Variants in MEGF6 observed in about 807,000 individuals in gnomAD.
MEGF6 encodes the protein multiple epidermal growth factor-like domains protein 6.
In MEGF6, 184 loss-of-function variants were observed where a neutral mutation model predicts 207.1. The observed-to-expected ratio is 0.89, with a 90% CI of 0.79 to 1.00. The LOEUF is 1.00. Ranked by LOEUF, MEGF6 falls within the 50% of genes least tolerant of loss-of-function variation. The pLI is 0.00. For synonymous variants in MEGF6, 1,038 were observed against 910.0 expected (o/e 1.14, Z -2.53); for missense variants, 2,282 against 2,202.9 (o/e 1.04, Z -0.72).
intron 4 of MEGF6, among the ~76,000 whole-genome samples, chr1:3,546,340 T>C (rs10797401): frequency 0.31 from 46,677 of 152,202 alleles, 12,040 homozygotes; most frequent in African/African-American, 0.71. Context: ...TAGCCCCAGG[T>C]CTTGCCTGAG....
intron 19 of MEGF6, 40 bp from the exon 20 acceptor site, chr1:3,501,134 C>T (rs772610880): frequency 1.2e-6 from 2 of 1,612,612 alleles, no homozygotes; most frequent in Non-Finnish European, 1.7e-6. Context: ...GCCTGGCCAC[C>T]TACCCCAGGT....
chr1:3,494,311 G>A (rs1214333448), intron 32 of MEGF6, 60 bp downstream of exon 32: 11 of 1,505,210 alleles, frequency 7.3e-6, no homozygotes, highest in African/African-American at 1.4e-5. Context: ...TCACCCACAC[G>A]GGAGGAGTGG....
chr1:3,522,400 G>C (rs1278274972), intron 5 of MEGF6, among the ~76,000 whole-genome samples: 1 of 152,170 alleles, frequency 6.6e-6, no homozygotes, highest in Non-Finnish European at 1.5e-5. Context: ...CGAGGTCCCA[G>C]GAGCCTCCTG....
intron 4 of MEGF6, among the ~76,000 whole-genome samples, chr1:3,528,612 A>G (rs1313759337): frequency 6.6e-6 from 1 of 152,092 alleles, no homozygotes; most frequent in African/African-American, 2.4e-5. Flanking sequence ...GGGTCCTTAT[A>G]AGAGGGAGGC....
intron 2 of MEGF6, among the ~76,000 whole-genome samples, chr1:3,598,938 A>G (rs1644117010): frequency 6.6e-6 from 1 of 151,000 alleles, no homozygotes; most frequent in African/African-American, 2.4e-5. Context: ...GGAAGTACCC[A>G]CTGAGGGGGC....
chr1:3,507,727 G>A (rs2101014199), intron 14 of MEGF6, 68 bp downstream of exon 14: 1 of 1,595,524 alleles, frequency 6.3e-7, no homozygotes. Context: ...GACGTGGAGG[G>A]GTGGTGTCTC....
At chr1:3,515,793 C>T (rs144729655) in intron 5 of MEGF6, among the ~76,000 whole-genome samples, 103 of 152,338 alleles carry the variant, frequency 6.8e-4, no homozygotes, top group African/African-American at 2.4e-3. Context: ...CCGGCCTGAT[C>T]GAGGGCTGGA....
At chr1:3,510,124 C>T in intron 10 of MEGF6, 132 bp from the exon 11 acceptor site, 1 of 1,264,144 alleles carries the variant, frequency 7.9e-7, no homozygotes, top group Non-Finnish European at 1.1e-6. Flanking sequence ...TCTCTTCAAC[C>T]AGCCAGTAAA....
rs74366991 is a variant in MEGF6, at chr1:3,560,606, C to T, written c.481+19219G>A. On this transcript the variant is annotated intron_variant, in intron 4 of 36. Transcript: ENST00000356575. This position sits in a 1 kb window ranked among gnomAD's most constrained non-coding sequence, Gnocchi z 4.0. ...GCCCCCCTGTTCTCCAAGAGAAACG[C>T]TCCATAGGCAGGGAAAGGCTCTGGG... The T allele has an allele frequency of 1.4e-4, 55 of 395,416 alleles. No homozygotes were observed. Among genetic ancestry groups the T allele is most frequent in the African/African-American group, 1.1e-3 (52 of 46,756 alleles). The allele number at this position is 395,416 out of a possible 1,614,324, so 24.5% of individuals were successfully genotyped here. A position where few individuals can be genotyped will look rare whatever the true frequency, so the allele number is the denominator to read the frequency against.
chr1:3,536,663 T>C (rs938677972), intron 4 of MEGF6, among the ~76,000 whole-genome samples: 1 of 152,268 alleles, frequency 6.6e-6, no homozygotes. Context: ...CCGGCGTCTG[T>C]GCCTGGGAAT....
chr1:3,502,571 A>G (rs1640949548), intron 17 of MEGF6, among the ~76,000 whole-genome samples: 1 of 152,096 alleles, frequency 6.6e-6, no homozygotes, highest in South Asian at 2.1e-4. Context: ...CTGGAGGCCT[A>G]GGGTCCCCCC....
In MEGF6 at chr1:3,598,555, C is replaced by T. The variant is rs550771558; in HGVS notation, c.267-3108G>A. Among the ~76,000 whole-genome samples the T allele has an allele frequency of 5.3e-5, 8 of 152,304 alleles. No individual in the cohort carries two copies. The East Asian group carries it at 1.5e-3, about 29-fold the overall frequency. On this transcript the variant is annotated intron_variant, in intron 2 of 36. Transcript: ENST00000356575. Reference sequence around the variant, plus strand: ...CGGGCTACGTGCTGCTTCCCTGGGCCGCTGACCACCCCCTCCATCCCCCCA... The same window carrying T: ...CGGGCTACGTGCTGCTTCCCTGGGCTGCTGACCACCCCCTCCATCCCCCCA...
rs866171501 is a variant in MEGF6 at position 3,565,957 on chromosome 1, C to T, written c.481+13868G>A. 6.6e-6 allele frequency among the ~76,000 whole-genome samples: 1 copy of T among 152,184 alleles called. No homozygotes were observed. Among genetic ancestry groups the T allele is most frequent in the Non-Finnish European group, 1.5e-5 (1 of 68,016 alleles). The stretch of plus-strand genomic sequence containing the variant: ...CCTCAGGGTCAGCTGCTATAGGACC[C>T]GCCGTGGACCACTGCCCTGCAGGTT... On this transcript the variant is annotated intron_variant, in intron 4 of 36. Coordinates refer to ENST00000356575, the MANE Select transcript of MEGF6 (RefSeq NM_001409.4). This position sits in a 1 kb window ranked among gnomAD's most constrained non-coding sequence, Gnocchi z 4.8.
chr1:3,496,627 C>G, intron 29 of MEGF6, 28 bp downstream of exon 29: 1 of 1,566,492 alleles, frequency 6.4e-7, no homozygotes, highest in Non-Finnish European at 8.6e-7. Flanking sequence ...GGAGGCGCCA[C>G]TCAGCACTGC....
intron 5 of MEGF6, among the ~76,000 whole-genome samples, chr1:3,522,691 C>T (rs1194900950): frequency 3.9e-5 from 6 of 152,000 alleles, no homozygotes; most frequent in Admixed American, 6.5e-5. Flanking sequence ...GAAACAAAGC[C>T]TAGGAGAGTG....
Position 3,493,875 on chromosome 1 carries a change from T to A in MEGF6, c.4283A>T (p.Glu1428Val). ...ERGCEPGSFG[E>V]GCHQRCDCDG... ...ACAGTCACAGCGCTGGTGGCAGCCCTCTCCAAATGAACCTGGCTCACACCC... is the reference window on the plus strand; with the variant it reads ...ACAGTCACAGCGCTGGTGGCAGCCCACTCCAAATGAACCTGGCTCACACCC... The change falls in exon 34 of 37, where the codon GAG becomes GTG. Residue 1428 changes from glutamate to valine, a missense_variant. By Grantham distance (121) the Glu-to-Val change is moderately radical (BLOSUM62 -2). Transcript: ENST00000356575. The A allele has an allele frequency of 1.3e-6, 2 of 1,594,290 alleles. No homozygotes were observed. The highest frequency in any genetic ancestry group is 1.7e-6 in the Non-Finnish European group (2 of 1,171,076).
chr1:3,580,715 T>G (rs921602839), intron 3 of MEGF6, among the ~76,000 whole-genome samples: 2 of 142,632 alleles, frequency 1.4e-5, no homozygotes, highest in Admixed American at 1.4e-4. Flanking sequence ...GCCCCTACCC[T>G]GCACGTTACT....
At chr1:3,508,057 C>A in intron 13 of MEGF6, 134 bp from the exon 14 acceptor site, 1 of 951,786 alleles carries the variant, frequency 1.1e-6, no homozygotes, top group African/African-American at 1.7e-5. Context: ...CACATCACCC[C>A]TGCCCATGCT....
chr1:3,570,138 T>G (rs907074006), intron 4 of MEGF6, among the ~76,000 whole-genome samples: 1 of 152,148 alleles, frequency 6.6e-6, no homozygotes, highest in Middle Eastern at 3.2e-3. Context: ...AGCCTGAGCA[T>G]AGCAAGATGG....
Sources: gnomAD v4.1 joint callset for allele counts (sites outside exome capture counted in the v4.1 genomes callset) on GRCh38, gnomAD v4.1.1 for gene constraint, Gnocchi (gnomAD v3.1) non-coding constraint, MANE v1.5 for transcripts, NCBI Gene and HGNC (gene_info 2026-07-23, HGNC 2026-07-21) for gene names.